The following RILPL2 variants were observed in gnomAD, a reference collection of about 807,000 sequenced individuals.
RILPL2 encodes the protein Rab interacting lysosomal protein like 2.
In RILPL2, 19 loss-of-function variants were observed where a neutral mutation model predicts 22.2. That is an observed-to-expected ratio of 0.86 (90% CI 0.60 to 1.25). The LOEUF (loss-of-function observed/expected upper bound fraction) is 1.25. Among genes scored for constraint, RILPL2 ranks in the 50% most tolerant of loss-of-function variants. RILPL2 has a pLI of 0.00. For missense variants in RILPL2, 243 were observed against 263.6 expected, an observed-to-expected ratio of 0.92 and a Z score of 0.54; for synonymous variants, 123 against 111.6, an observed-to-expected ratio of 1.10 and a Z score of -0.64.
intron 3 of RILPL2, among the ~76,000 whole-genome samples, chr12:123,417,660 C>T (rs952309447): frequency 6.6e-6 from 1 of 152,194 alleles, no homozygotes; most frequent in Admixed American, 6.5e-5. Flanking sequence ...TCTCGGCTCA[C>T]GGCAACCTCC....
Position 123,415,731 on chromosome 12 carries a change from T to C in RILPL2, c.*160A>G. The C allele has an allele frequency of 1.3e-6, 1 of 758,000 alleles. No individual in the cohort carries two copies. Among genetic ancestry groups the C allele is most frequent in the Non-Finnish European group, 2.3e-6 (1 of 427,768 alleles). 47.0% of individuals were successfully genotyped at this position (758,000 alleles called of 1,614,324 possible). A position where few individuals can be genotyped will look rare whatever the true frequency, so the allele number is the denominator to read the frequency against. On this transcript the variant is annotated 3_prime_UTR_variant, in exon 4 of 4. Transcript: ENST00000280571. ...AGTTCTGCAGCCAGGGAGAAAGTGATGCCAAGAGAACCTCGTCTCCTCCCT... is the reference window on the plus strand; with the variant it reads ...AGTTCTGCAGCCAGGGAGAAAGTGACGCCAAGAGAACCTCGTCTCCTCCCT...
chr12:123,419,327 G>T (rs1012881563), intron 3 of RILPL2, among the ~76,000 whole-genome samples: 2 of 152,068 alleles, frequency 1.3e-5, no homozygotes, highest in African/African-American at 4.8e-5. Flanking sequence ...CCGGCCTACT[G>T]ACTTGATTTC....
At chr12:123,430,868 T>C (rs1400277811) in intron 1 of RILPL2, among the ~76,000 whole-genome samples, 1 of 152,036 alleles carries the variant, frequency 6.6e-6, no homozygotes, top group African/African-American at 2.4e-5. Flanking sequence ...CCGGCTAATT[T>C]TTGTATTTTT....
the RILPL2 span, among the ~76,000 whole-genome samples, chr12:123,409,885 A>C: frequency 2.0e-5 from 3 of 151,884 alleles, no homozygotes; most frequent in South Asian, 6.2e-4. Flanking sequence ...CACCACACCC[A>C]GCTAATTTTT....
intron 1 of RILPL2, among the ~76,000 whole-genome samples, chr12:123,435,605 G>A (rs1046383101): frequency 1.3e-4 from 20 of 151,940 alleles, no homozygotes; most frequent in African/African-American, 4.8e-4. Flanking sequence ...CAGGCATGGT[G>A]GCACATGCCT....
At chr12:123,428,861 C>A (rs1188668897) in intron 2 of RILPL2, among the ~76,000 whole-genome samples, 1 of 152,128 alleles carries the variant, frequency 6.6e-6, no homozygotes, top group Non-Finnish European at 1.5e-5. Context: ...TGGCACATGG[C>A]GAGTATCAAT....
intron 2 of RILPL2, among the ~76,000 whole-genome samples, chr12:123,426,069 A>G (rs1879435409): frequency 6.6e-6 from 1 of 152,134 alleles, no homozygotes. Context: ...CCAAACTCCC[A>G]AAGTGTTGGG....
At chr12:123,430,438 C>T (rs996608165) in intron 2 of RILPL2, 70 bp downstream of exon 2, 13 of 1,438,912 alleles carry the variant, frequency 9.0e-6, no homozygotes, top group Non-Finnish European at 1.0e-5. Context: ...AAAACAAAAA[C>T]AAATATGTAA....
At chr12:123,414,517 T>C (rs577458638), downstream of RILPL2, 57 of 152,758 alleles carry the variant, frequency 3.7e-4, 1 homozygote, top group South Asian at 0.01. Flanking sequence ...CCCTGCAAGC[T>C]GAGGGAGCGG....
intron 3 of RILPL2, 105 bp downstream of exon 3, chr12:123,422,939 T>C: frequency 1.3e-6 from 1 of 760,850 alleles, no homozygotes; most frequent in Non-Finnish European, 2.3e-6. Context: ...ACCGGGAGAG[T>C]AGAGGCCCTC....
Position 123,436,068 on chromosome 12 carries a change from G to A in RILPL2, c.339+14C>T, listed in dbSNP as rs1468871383. On this transcript the variant is annotated intron_variant, in intron 1 of 3. Coordinates refer to ENST00000280571, the MANE Select transcript of RILPL2 (RefSeq NM_145058.3). This position sits in a 1 kb window ranked among gnomAD's most constrained non-coding sequence, Gnocchi z 6.7. Reference sequence around the variant, plus strand: ...CAGGCGCCGTGGGCCCGGAACCCTCGCTCCCACACTCACCTCCCCGCTGGC... The same window carrying A: ...CAGGCGCCGTGGGCCCGGAACCCTCACTCCCACACTCACCTCCCCGCTGGC... 7.7e-6 allele frequency: 12 copies of A among 1,558,684 alleles called. No homozygotes were observed. Among genetic ancestry groups the A allele is most frequent in the Non-Finnish European group, 8.7e-6 (10 of 1,150,128 alleles).
In RILPL2 at chr12:123,436,625, A is replaced by C. The variant is rs1371954844; in HGVS notation, c.-205T>G. ...GCCCCGGCGCACCGTCCCCGCTGCCAGCCACGCTGGAGAGTGCGCTCCAGG... is the reference window on the plus strand; with the variant it reads ...GCCCCGGCGCACCGTCCCCGCTGCCCGCCACGCTGGAGAGTGCGCTCCAGG... On this transcript the variant is annotated 5_prime_UTR_variant, in exon 1 of 4. Transcript: ENST00000280571. The surrounding 1 kb of genome is among the most constrained non-coding windows in gnomAD (Gnocchi z 6.7). 8.5e-6 allele frequency: 7 copies of C among 826,384 alleles called. No homozygotes were observed. The East Asian group carries it at 1.9e-4, about 22-fold the overall frequency. 51.2% of individuals were successfully genotyped at this position (826,384 alleles called of 1,614,324 possible).
At chr12:123,412,374 C>G (rs1393181734), downstream of RILPL2, 1 of 152,324 alleles carries the variant, frequency 6.6e-6, no homozygotes, top group African/African-American at 2.4e-5. Context: ...CTCCTGGGCT[C>G]AAGCAATCCT....
intron 2 of RILPL2, among the ~76,000 whole-genome samples, chr12:123,427,800 C>A (rs990401083): frequency 1.3e-5 from 2 of 152,180 alleles, no homozygotes; most frequent in African/African-American, 4.8e-5. Flanking sequence ...CTGCCTCGGC[C>A]TCCCAAAGTG....
rs928017649 is a variant in RILPL2 at position 123,415,588 on chromosome 12, C to T, written c.*303G>A. 8.4e-5 allele frequency: 41 copies of T among 488,728 alleles called. No individual in the cohort carries two copies. The highest frequency in any genetic ancestry group is 5.0e-4 in the African/African-American group (26 of 51,630). 30.3% of individuals were successfully genotyped at this position (488,728 alleles called of 1,614,324 possible). On this transcript the variant is annotated 3_prime_UTR_variant, in exon 4 of 4. Coordinates refer to ENST00000280571, the MANE Select transcript of RILPL2 (RefSeq NM_145058.3). ...CAGATGAGTAGGACACGCGTCTGCA[C>T]GCTGGAGGCCCTGGGGGTTGACATG...
chr12:123,419,425 ATGAG>A (rs1333707375), intron 3 of RILPL2, among the ~76,000 whole-genome samples: 1 of 152,260 alleles, frequency 6.6e-6, no homozygotes, highest in Non-Finnish European at 1.5e-5. Flanking sequence ...GTGCACAGAC[ATGAG>A]GGAAGTATTC....
chr12:123,414,731 C>A (rs1308935566), downstream of RILPL2: 2 of 152,762 alleles, frequency 1.3e-5, no homozygotes, highest in African/African-American at 2.4e-5. Flanking sequence ...GAGATCGAGA[C>A]CATCCTGGCT....
chr12:123,423,829 A>G (rs1879359981), intron 2 of RILPL2, among the ~76,000 whole-genome samples: 1 of 151,038 alleles, frequency 6.6e-6, no homozygotes, highest in Admixed American at 6.6e-5. Context: ...CATTTTTTGT[A>G]TTTTTAGTAG....
rs1566094905 is a variant in RILPL2 at position 123,436,242 on chromosome 12, CG to C, written c.178del (p.Arg60GlyfsTer2). ...RELMALGSDP[R>X]VTQLQFKVVR... ...GACTTTGAACTGCAGCTGCGTCACC[CG>C]GGGGTCGCTGCCCAGGGCCATAAGC... On this transcript the variant is annotated frameshift_variant, in exon 1 of 4. Transcript: ENST00000280571. LOFTEE classifies it high-confidence loss of function. The surrounding 1 kb of genome is among the most constrained non-coding windows in gnomAD (Gnocchi z 6.7). The C allele has an allele frequency of 6.2e-7, 1 of 1,612,014 alleles. No homozygotes were observed. Among genetic ancestry groups the C allele is most frequent in the Non-Finnish European group, 8.5e-7 (1 of 1,179,216 alleles).
Sources: allele counts gnomAD v4.1 joint callset (sites outside exome capture counted in the v4.1 genomes callset), GRCh38; gene constraint gnomAD v4.1.1; non-coding constraint Gnocchi (gnomAD v3.1); transcripts MANE v1.5; gene names NCBI Gene and HGNC (gene_info 2026-07-23, HGNC 2026-07-21).